Variants in MAML2 observed in about 807,000 individuals in gnomAD.
The protein encoded by MAML2 is mastermind-like protein 2.
A neutral mutation model predicts 96.1 loss-of-function variants in MAML2; 22 were observed. The observed-to-expected ratio is 0.23, with a 90% CI of 0.16 to 0.33. The LOEUF (loss-of-function observed/expected upper bound fraction) is 0.33. MAML2 is among the 10% of genes least tolerant of loss of function. The pLI is 1.00. For synonymous variants in MAML2, 561 were observed against 521.3 expected (o/e 1.08, Z -1.04); for missense variants, 1,367 against 1,392.4 (o/e 0.98, Z 0.29).
Position 96,194,736 on chromosome 11 carries a change from G to A in MAML2, c.514-101219C>T, listed in dbSNP as rs1861704157. On this transcript the variant is annotated intron_variant, in intron 1 of 4. Transcript: ENST00000524717. ...GGGAAAAATGTTGCTATAGGGCTGA[G>A]TCCACTGGCTCCTTTCCCTTTCTTT... Among the ~76,000 whole-genome samples the A allele has an allele frequency of 2.0e-5, 3 of 152,148 alleles. No individual in the cohort carries two copies. In the South Asian group the frequency reaches 6.2e-4, roughly 31 times the overall value.
intron 1 of MAML2, among the ~76,000 whole-genome samples, chr11:96,251,352 T>A (rs1457549102): frequency 6.6e-6 from 1 of 152,242 alleles, no homozygotes; most frequent in Non-Finnish European, 1.5e-5. Context: ...CGGTACCATT[T>A]TTTTTCTCTA....
chr11:96,206,523 A>T (rs1298530877), intron 1 of MAML2, among the ~76,000 whole-genome samples: 3 of 152,174 alleles, frequency 2.0e-5, no homozygotes, highest in African/African-American at 7.2e-5. Flanking sequence ...GCTTGAACCC[A>T]GGAGGCGGAG....
At chr11:96,059,487 G>T (rs1859120413) in intron 2 of MAML2, among the ~76,000 whole-genome samples, 1 of 152,166 alleles carries the variant, frequency 6.6e-6, no homozygotes, top group African/African-American at 2.4e-5. Context: ...AAAACAGAAA[G>T]AAGTCAATGT....
chr11:96,066,084 T>C (rs777848009), intron 2 of MAML2, among the ~76,000 whole-genome samples: 1 of 152,232 alleles, frequency 6.6e-6, no homozygotes, highest in Admixed American at 6.5e-5. Context: ...CTTATGGCTC[T>C]GGAGCTCAAC....
chr11:96,145,992 G>A (rs1346810932), intron 1 of MAML2, among the ~76,000 whole-genome samples: 1 of 152,036 alleles, frequency 6.6e-6, no homozygotes, highest in Non-Finnish European at 1.5e-5. Flanking sequence ...CTGGGTGACA[G>A]AGCAAGACTC....
intron 1 of MAML2, among the ~76,000 whole-genome samples, chr11:96,279,583 G>A (rs1025999187): frequency 6.6e-6 from 1 of 152,200 alleles, no homozygotes; most frequent in Non-Finnish European, 1.5e-5. Flanking sequence ...CAAGAACTAT[G>A]GCATTGAATC....
At chr11:96,081,209 C>A (rs1031933716) in intron 2 of MAML2, among the ~76,000 whole-genome samples, 1 of 152,194 alleles carries the variant, frequency 6.6e-6, no homozygotes, top group Non-Finnish European at 1.5e-5. Context: ...CTTCCGAAAA[C>A]ATTATACCTA....
chr11:96,012,200 C>T (rs569931393), intron 2 of MAML2, among the ~76,000 whole-genome samples: 1 of 152,190 alleles, frequency 6.6e-6, no homozygotes, highest in African/African-American at 2.4e-5. Flanking sequence ...ACTGTGAGAG[C>T]ATTTTCATTC....
intron 1 of MAML2, among the ~76,000 whole-genome samples, chr11:96,293,193 C>G (rs1863240336): frequency 2.6e-5 from 4 of 152,306 alleles, no homozygotes; most frequent in African/African-American, 4.8e-5. Flanking sequence ...AATGTGCCAA[C>G]TATCTACATT....
chr11:96,032,645 T>TAAGA (rs1858636686), intron 2 of MAML2, among the ~76,000 whole-genome samples: 1 of 147,980 alleles, frequency 6.8e-6, no homozygotes, highest in African/African-American at 2.5e-5. Flanking sequence ...AACAATCAAA[T>TAAGA]GTCTCTTATT....
chr11:95,990,714 CT>C (rs1472876837), intron 3 of MAML2, among the ~76,000 whole-genome samples: 1 of 152,148 alleles, frequency 6.6e-6, no homozygotes, highest in Non-Finnish European at 1.5e-5. Context: ...CTGACTCTCA[CT>C]ACAAAGCTCC....
At chr11:96,307,549 G>GCCAAA (rs1444701675) in intron 1 of MAML2, among the ~76,000 whole-genome samples, 1 of 152,078 alleles carries the variant, frequency 6.6e-6, no homozygotes, top group Non-Finnish European at 1.5e-5. Flanking sequence ...AGGGGGAAAT[G>GCCAAA]CCATCTTAAA....
At chr11:96,322,392 C>G (rs1863715462) in intron 1 of MAML2, among the ~76,000 whole-genome samples, 1 of 152,194 alleles carries the variant, frequency 6.6e-6, no homozygotes, top group Non-Finnish European at 1.5e-5. Flanking sequence ...TGAGGACTGA[C>G]TGCCTTTTAG....
chr11:96,102,958 C>A (rs771443521), intron 1 of MAML2, among the ~76,000 whole-genome samples: 3 of 152,202 alleles, frequency 2.0e-5, no homozygotes, highest in Non-Finnish European at 2.9e-5. Flanking sequence ...CATGAAATCT[C>A]TAAATGCCCT....
At chr11:96,186,472 C>T (rs1278494197) in intron 1 of MAML2, among the ~76,000 whole-genome samples, 1 of 152,094 alleles carries the variant, frequency 6.6e-6, no homozygotes, top group Non-Finnish European at 1.5e-5. Flanking sequence ...GCCTATAATC[C>T]CAGCTACTCA....
chr11:96,092,359 G>T lies in MAML2; in HGVS notation c.1672C>A (p.Pro558Thr). The T allele has an allele frequency of 1.2e-6, 2 of 1,613,396 alleles. No homozygotes were observed. Among genetic ancestry groups the T allele is most frequent in the African/African-American group, 1.3e-5 (1 of 75,024 alleles). ...TGATCTGAGTTAAAATGAAACAAAG[G>T]CTTGGTGTTGCCCTGACGGGGCTCC... The part of the protein sequence containing the change: ...AMEPRQGNTK[P>T]LFHFNSDQAN... The change falls in exon 2 of 5, where the codon CCT (proline) becomes ACT (threonine). Residue 558 changes from proline (P) to threonine (T), a missense_variant. By Grantham distance (38) the Pro-to-Thr change is conservative (BLOSUM62 -1). Transcript: ENST00000524717. The surrounding 1 kb of genome is among the most constrained non-coding windows in gnomAD (Gnocchi z 4.1).
At chr11:96,127,690 A>G (rs757706322) in intron 1 of MAML2, among the ~76,000 whole-genome samples, 1 of 152,208 alleles carries the variant, frequency 6.6e-6, no homozygotes, top group Non-Finnish European at 1.5e-5. Context: ...ACACATTTGG[A>G]TTTTGGCACA....
chr11:96,124,859 A>G (rs765222207), intron 1 of MAML2, among the ~76,000 whole-genome samples: 18 of 152,264 alleles, frequency 1.2e-4, no homozygotes, highest in South Asian at 1.0e-3. Flanking sequence ...TTGCAAAAAG[A>G]AGCTGCTTAT....
At chr11:96,305,339 C>T (rs2136000930) in intron 1 of MAML2, among the ~76,000 whole-genome samples, 1 of 152,190 alleles carries the variant, frequency 6.6e-6, no homozygotes, top group East Asian at 1.9e-4. Flanking sequence ...ATCCTAATGT[C>T]AACTACAGAC....
Sources: allele counts gnomAD v4.1 joint callset (sites outside exome capture counted in the v4.1 genomes callset), GRCh38; gene constraint gnomAD v4.1.1; non-coding constraint Gnocchi (gnomAD v3.1); transcripts MANE v1.5; gene names NCBI Gene and HGNC (gene_info 2026-07-23, HGNC 2026-07-21).